KCNN2: variants seen among roughly 807,000 people sequenced by gnomAD.
The protein encoded by KCNN2 is small conductance calcium-activated potassium channel protein 2.
In KCNN2, 24 loss-of-function variants were observed where a neutral mutation model predicts 55.5. That is an observed-to-expected ratio of 0.43 (90% CI 0.31 to 0.61). KCNN2 has a LOEUF of 0.61. Ranked by LOEUF, KCNN2 falls within the 20% of genes least tolerant of loss-of-function variation. The pLI, the probability that KCNN2 is intolerant of heterozygous loss-of-function variation, is 0.08. For synonymous variants in KCNN2, 431 were observed against 336.1 expected, an observed-to-expected ratio of 1.28 and a Z score of -3.09; for missense variants, 754 against 853.6, an observed-to-expected ratio of 0.88 and a Z score of 1.45.
At chr5:114,155,697 C>T (rs569477104) in intron 1 of KCNN2, among the ~76,000 whole-genome samples, 4 of 152,210 alleles carry the variant, frequency 2.6e-5, no homozygotes, top group East Asian at 1.9e-4. Flanking sequence ...TCAAAAACGT[C>T]GGTTCATGTC....
intron 2 of KCNN2, among the ~76,000 whole-genome samples, chr5:114,329,708 C>T (rs916140470): frequency 6.6e-6 from 1 of 152,138 alleles, no homozygotes; most frequent in Non-Finnish European, 1.5e-5. Context: ...TTAATAAACT[C>T]TCCTTTATAT....
chr5:114,300,036 T>C (rs1437659191), intron 2 of KCNN2, among the ~76,000 whole-genome samples: 1 of 152,064 alleles, frequency 6.6e-6, no homozygotes, highest in Non-Finnish European at 1.5e-5. Flanking sequence ...GGTGTTTTTT[T>C]TTCCACTCCT....
intron 1 of KCNN2, among the ~76,000 whole-genome samples, chr5:114,193,622 T>C (rs185591575): frequency 9.2e-5 from 14 of 152,278 alleles, no homozygotes; most frequent in African/African-American, 3.1e-4. Context: ...TTCAGAAATT[T>C]GTGTCATTGA....
chr5:114,485,153 T>C (rs897625603), intron 5 of KCNN2, among the ~76,000 whole-genome samples: 3 of 152,204 alleles, frequency 2.0e-5, no homozygotes, highest in Non-Finnish European at 2.9e-5. Flanking sequence ...ACATTGAGGA[T>C]TGCTATGTTC....
At chr5:114,319,076 A>G (rs1002629860) in intron 2 of KCNN2, among the ~76,000 whole-genome samples, 1 of 152,166 alleles carries the variant, frequency 6.6e-6, no homozygotes, top group African/African-American at 2.4e-5. Context: ...GCTAAGGGGT[A>G]TATTCAGGAA....
At chr5:114,448,895 C>T (rs958709841) in intron 3 of KCNN2, among the ~76,000 whole-genome samples, 3 of 152,112 alleles carry the variant, frequency 2.0e-5, no homozygotes, top group African/African-American at 4.8e-5. Flanking sequence ...GGATCAGTGG[C>T]GCATATTTTT....
chr5:114,081,190 AGATAATAT>A (rs1263898097), intron 1 of KCNN2, among the ~76,000 whole-genome samples: 1 of 152,184 alleles, frequency 6.6e-6, no homozygotes, highest in Non-Finnish European at 1.5e-5. Flanking sequence ...ATGGATTAGA[AGATAATAT>A]TAAGATGTCA....
chr5:114,095,803 C>A (rs28427416), intron 1 of KCNN2, among the ~76,000 whole-genome samples: 4 of 151,682 alleles, frequency 2.6e-5, no homozygotes, highest in African/African-American at 9.7e-5. Context: ...TTGTGTCCCC[C>A]AATAATTTTT....
At chr5:114,297,815 A>G (rs1208755567) in intron 2 of KCNN2, among the ~76,000 whole-genome samples, 1 of 152,188 alleles carries the variant, frequency 6.6e-6, no homozygotes, top group South Asian at 2.1e-4. Flanking sequence ...GAAATTATGT[A>G]TTACATAACA....
At chr5:114,083,135 C>G (rs1385967271) in intron 1 of KCNN2, among the ~76,000 whole-genome samples, 2 of 151,952 alleles carry the variant, frequency 1.3e-5, no homozygotes, top group Non-Finnish European at 2.9e-5. Context: ...CCATTTGATT[C>G]TGTAGGATCT....
rs1377211559 is a variant in KCNN2, at chr5:114,059,499, A to C, written c.-271+2999A>C. Among the ~76,000 whole-genome samples the C allele has an allele frequency of 1.3e-5, 2 of 152,188 alleles. 1 individual carries two copies. Among genetic ancestry groups the C allele is most frequent in the East Asian group, 3.9e-4 (2 of 5,194 alleles). On this transcript the variant is annotated intron_variant, in intron 1 of 10. Transcript: ENST00000512097. ...TTGTGAATTCCTTTGGGGCAGAGAA[A>C]TTATGTGTTTTTTCCCCTAGCAAAG...
In KCNN2 at chr5:114,362,604, C is replaced by T; in HGVS notation, c.465C>T (p.Ser155=). ...QQSAQQSASA[S]QYHQCHSLQP... ...CCGCGCAGCAGTCGGCGTCCGCCTC[C>T]CAGTACCACCAGTGCCACAGCCTGC... The change falls in exon 1 of 8, where the codon TCC becomes TCT. Residue 155 remains serine (S), a synonymous_variant. Transcript: ENST00000673685. 1 of 863,084 alleles carries T rather than the reference C, an allele frequency of 1.2e-6. No homozygotes were observed. The highest frequency in any genetic ancestry group is 2.9e-5 in the East Asian group (1 of 34,354). The allele number at this position is 863,084 out of a possible 1,614,324, so 53.5% of individuals were successfully genotyped here. A position where few individuals can be genotyped will look rare whatever the true frequency, so the allele number is the denominator to read the frequency against.
At chr5:114,214,117 C>A (rs6594800) in intron 1 of KCNN2, among the ~76,000 whole-genome samples, 106,933 of 151,770 alleles carry the variant, frequency 0.7, 37,865 homozygotes, top group East Asian at 0.87. Context: ...CAGGGGTCAG[C>A]AAACTTTTCC....
intron 2 of KCNN2, among the ~76,000 whole-genome samples, chr5:114,403,487 A>G (rs1446945850): frequency 6.6e-6 from 1 of 152,202 alleles, no homozygotes; most frequent in African/African-American, 2.4e-5. Flanking sequence ...GACTCTCAGC[A>G]TTGAAGCATG....
At chr5:114,195,058 C>T (rs1489248074) in intron 1 of KCNN2, among the ~76,000 whole-genome samples, 1 of 151,840 alleles carries the variant, frequency 6.6e-6, no homozygotes, top group East Asian at 1.9e-4. Flanking sequence ...TAAGTCTATC[C>T]TTGTGCCAGT....
intron 2 of KCNN2, among the ~76,000 whole-genome samples, chr5:114,397,167 A>C (rs13354394): frequency 1.3e-5 from 2 of 152,162 alleles, no homozygotes; most frequent in East Asian, 1.9e-4. Flanking sequence ...TATTGTGAAT[A>C]CTGCTGCAGT....
chr5:114,146,573 G>T lies in KCNN2; in HGVS notation c.-270-74907G>T, dbSNP rs554726906. Among the ~76,000 whole-genome samples, 29 of 152,252 alleles carry T rather than the reference G, an allele frequency of 1.9e-4. No individual in the cohort carries two copies. In the South Asian group the frequency reaches 5.2e-3, roughly 27 times the overall value. ...TTGGAAAAGGTGTCAACTGTGACAT[G>T]CACGTAAGCTAATTTTCCAAAAGAA... On this transcript the variant is annotated intron_variant, in intron 1 of 10. Transcript: ENST00000512097.
chr5:114,127,956 C>T (rs1751973212), intron 1 of KCNN2, among the ~76,000 whole-genome samples: 1 of 152,122 alleles, frequency 6.6e-6, no homozygotes, highest in African/African-American at 2.4e-5. Context: ...TCTCAGACCA[C>T]CTCAGCTTGG....
chr5:114,409,183 G>A (rs533980103), intron 3 of KCNN2, among the ~76,000 whole-genome samples: 4 of 151,958 alleles, frequency 2.6e-5, no homozygotes, highest in Admixed American at 6.6e-5. Flanking sequence ...TCTTCCCAAC[G>A]TAACGTTTTA....
Sources: gnomAD v4.1 joint callset for allele counts (sites outside exome capture counted in the v4.1 genomes callset) on GRCh38, gnomAD v4.1.1 for gene constraint, MANE v1.5 for transcripts, NCBI Gene and HGNC (gene_info 2026-07-23, HGNC 2026-07-21) for gene names.